The following PPP1R16B variants were observed in gnomAD, a reference collection of about 807,000 sequenced individuals.
PPP1R16B encodes protein phosphatase 1 regulatory subunit 16B.
Under a neutral mutation model 61.7 loss-of-function variants are expected in PPP1R16B, and 14 were observed. The observed-to-expected ratio is 0.23, with a 90% CI of 0.15 to 0.35. The LOEUF is 0.35. Ranked by LOEUF, PPP1R16B falls within the 10% of genes least tolerant of loss-of-function variation. PPP1R16B has a pLI of 1.00. For synonymous variants in PPP1R16B, 266 were observed against 305.3 expected (o/e 0.87, Z 1.34); for missense variants, 547 against 752.5 (o/e 0.73, Z 3.19).
chr20:38,807,078 G>A (rs547071433), intron 1 of PPP1R16B, among the ~76,000 whole-genome samples: 2 of 152,350 alleles, frequency 1.3e-5, no homozygotes, highest in East Asian at 3.9e-4. Context: ...GGGCCCGGAG[G>A]TACAGGCGCC....
In PPP1R16B at chr20:38,865,894, G is replaced by C. The variant is rs62202533; in HGVS notation, c.251-23701G>C. On this transcript the variant is annotated intron_variant, in intron 2 of 10. Coordinates refer to ENST00000299824, the MANE Select transcript of PPP1R16B (RefSeq NM_015568.4). ...TAATTCCAGCACTTTGAGAGGCCGA[G>C]TTGGGCGGATCATGAGGTCAGGAGT... 6.1e-3 allele frequency among the ~76,000 whole-genome samples: 924 copies of C among 152,226 alleles called. 4 individuals carry two copies. Among genetic ancestry groups the C allele is most frequent in the African/African-American group, 0.021 (872 of 41,538 alleles).
At chr20:38,834,976 G>A (rs1160547332) in intron 1 of PPP1R16B, among the ~76,000 whole-genome samples, 1 of 152,146 alleles carries the variant, frequency 6.6e-6, no homozygotes, top group Non-Finnish European at 1.5e-5. Context: ...TTAGTTTGTT[G>A]CAATGTCACT....
In PPP1R16B at chr20:38,922,515, C is replaced by T. The variant is rs1445368189; in HGVS notation, c.*3849C>T. The T allele has an allele frequency of 5.2e-5, 8 of 152,572 alleles. No homozygotes were observed. Among genetic ancestry groups the T allele is most frequent in the African/African-American group, 1.9e-4 (8 of 41,444 alleles). The allele number at this position is 152,572 out of a possible 1,614,324, so 9.5% of individuals were successfully genotyped here. The stretch of plus-strand genomic sequence containing the variant: ...CAGTGGATGACTCTGCAAAAGTGAC[C>T]CCCTGTGCCAGAAGCTATAGCCCTC... On this transcript the variant is annotated 3_prime_UTR_variant, in exon 11 of 11. Transcript: ENST00000299824.
chr20:38,835,135 T>C (rs1487106187), intron 1 of PPP1R16B, among the ~76,000 whole-genome samples: 2 of 152,242 alleles, frequency 1.3e-5, no homozygotes, highest in Admixed American at 6.5e-5. Context: ...CAGACCACAC[T>C]TTGAGAAGCA....
chr20:38,862,730 G>T (rs901122701), intron 2 of PPP1R16B, among the ~76,000 whole-genome samples: 17 of 152,190 alleles, frequency 1.1e-4, no homozygotes, highest in African/African-American at 3.6e-4. Flanking sequence ...ATGGCCACAA[G>T]GTTGACTGTG....
At chr20:38,823,519 T>C (rs1249050788) in intron 1 of PPP1R16B, among the ~76,000 whole-genome samples, 1 of 152,116 alleles carries the variant, frequency 6.6e-6, no homozygotes, top group Non-Finnish European at 1.5e-5. Flanking sequence ...CACTTGCCTG[T>C]AGTCCCAGCC....
intron 4 of PPP1R16B, among the ~76,000 whole-genome samples, chr20:38,897,783 A>G (rs1005433512): frequency 6.6e-6 from 1 of 152,132 alleles, no homozygotes; most frequent in Non-Finnish European, 1.5e-5. Context: ...CTTTTTTGTT[A>G]GTAGCCATAC....
rs567193264 is a variant in PPP1R16B at position 38,845,809 on chromosome 20, A to G, written c.250+9634A>G. Among the ~76,000 whole-genome samples, 30 of 152,308 alleles carry G rather than the reference A, an allele frequency of 2.0e-4. No homozygotes were observed. In the South Asian group the frequency reaches 6.2e-3, roughly 32 times the overall value. On this transcript the variant is annotated intron_variant, in intron 2 of 10. Transcript: ENST00000299824. ...TTTGAAAGGGGAATCATGTGATGAG[A>G]TACAGATTTTGAATTCGGGATGGAT...
intron 5 of PPP1R16B, 45 bp from the exon 6 acceptor site, chr20:38,902,623 C>A (rs200810086): frequency 6.2e-6 from 10 of 1,612,266 alleles, no homozygotes; most frequent in East Asian, 2.2e-5. Context: ...CCTCTGGGGT[C>A]GTAGGCCTGA....
intron 2 of PPP1R16B, among the ~76,000 whole-genome samples, chr20:38,888,517 C>T (rs1243882980): frequency 6.6e-6 from 1 of 152,146 alleles, no homozygotes; most frequent in African/African-American, 2.4e-5. Flanking sequence ...TGGACAGGGA[C>T]AGTAGAGGTG....
chr20:38,905,939 A>G (rs12626105), intron 6 of PPP1R16B, 30 bp from the exon 7 acceptor site: 500,660 of 1,601,406 alleles, frequency 0.31, 79,838 homozygotes, highest in Middle Eastern at 0.4. Flanking sequence ...TGATCCCCTG[A>G]GGAATGCTCA....
At position 38,906,032 on chromosome 20, in the gene PPP1R16B, C is replaced by T. The variant is rs764606541; in HGVS notation, c.760C>T (p.Arg254Cys). Residue 254 changes from arginine to cysteine, a missense_variant, in exon 7 of 11, where the codon CGT (arginine) becomes TGT (cysteine). By Grantham distance (180) the Arg-to-Cys change is radical. Transcript: ENST00000299824. ...TGAGCTCCTCCTGGACCATGGAGTG[C>T]GTGTGGATGTGAAGGACTGGGATGG... ...AAELLLDHGV[R>C]VDVKDWDGWE... The T allele has an allele frequency of 8.1e-6, 13 of 1,613,348 alleles. No homozygotes were observed. The highest frequency in any genetic ancestry group is 6.7e-5 in the Admixed American group (4 of 59,964).
At position 38,840,296 on chromosome 20, in the gene PPP1R16B, CA is replaced by C. The variant is rs540216443; in HGVS notation, c.250+4122del. The stretch of plus-strand genomic sequence containing the variant: ...CAGCTCCCCCACTCCCCTGAGCTCA[CA>C]GCAGCCTCTGAGTCAACCTCCCCCA... On this transcript the variant is annotated intron_variant, in intron 2 of 10. Transcript: ENST00000299824. Among the ~76,000 whole-genome samples, 964 of 152,288 alleles carry C rather than the reference CA, an allele frequency of 6.3e-3. 11 individuals are homozygous for C. Among genetic ancestry groups the C allele is most frequent in the African/African-American group, 0.022 (898 of 41,562 alleles).
Position 38,806,175 on chromosome 20 carries a change from G to A in PPP1R16B, c.-102+383G>A, listed in dbSNP as rs2084659071. ...GTCTGCCGGGGGTGCAATGCCGGGC[G>A]GCGGGAGCCACAGCGGACACCAAAC... is the stretch of plus-strand genomic sequence containing the variant. On this transcript the variant is annotated intron_variant, in intron 1 of 10. Transcript: ENST00000299824. This position sits in a 1 kb window ranked among gnomAD's most constrained non-coding sequence, Gnocchi z 4.5. Among the ~76,000 whole-genome samples the A allele has an allele frequency of 1.3e-5, 2 of 152,226 alleles. No individual in the cohort carries two copies. Among genetic ancestry groups the A allele is most frequent in the South Asian group, 4.1e-4 (2 of 4,834 alleles).
At chr20:38,820,800 A>C (rs1311951556) in intron 1 of PPP1R16B, among the ~76,000 whole-genome samples, 1 of 151,974 alleles carries the variant, frequency 6.6e-6, no homozygotes, top group Non-Finnish European at 1.5e-5. Context: ...TGGGAGGCCG[A>C]GGTGGGCGGA....
chr20:38,818,754 CTTTTTTT>C (rs577315309), intron 1 of PPP1R16B, among the ~76,000 whole-genome samples: 1 of 138,268 alleles, frequency 7.2e-6, no homozygotes, highest in Non-Finnish European at 1.6e-5. Context: ...TGATTGTCCT[CTTTTTTT>C]TTTTTTTTTT....
chr20:38,816,344 G>A (rs980685995), intron 1 of PPP1R16B, among the ~76,000 whole-genome samples: 8 of 152,180 alleles, frequency 5.3e-5, no homozygotes, highest in Admixed American at 3.9e-4. Flanking sequence ...TTAAAAATCA[G>A]CAACCTTGAA....
At chr20:38,854,010 C>A (rs192261926) in intron 2 of PPP1R16B, among the ~76,000 whole-genome samples, 85 of 152,300 alleles carry the variant, frequency 5.6e-4, no homozygotes, top group Middle Eastern at 6.8e-3. Flanking sequence ...CGCTTGGGTA[C>A]TGAAAGGCAT....
At chr20:38,819,657 G>A (rs1407427781) in intron 1 of PPP1R16B, among the ~76,000 whole-genome samples, 1 of 152,116 alleles carries the variant, frequency 6.6e-6, no homozygotes, top group Non-Finnish European at 1.5e-5. Flanking sequence ...AGAGTTGCCA[G>A]GTTCTGACAC....
Sources: allele counts gnomAD v4.1 joint callset (sites outside exome capture counted in the v4.1 genomes callset), GRCh38; gene constraint gnomAD v4.1.1; non-coding constraint Gnocchi (gnomAD v3.1); transcripts MANE v1.5; gene names NCBI Gene and HGNC (gene_info 2026-07-23, HGNC 2026-07-21).